KAT6A: variants seen among roughly 807,000 people sequenced by gnomAD.
KAT6A encodes the protein lysine acetyltransferase 6A.
KAT6A carries 9 observed loss-of-function variants against 198.4 expected under a neutral mutation model. The ratio of observed to expected loss-of-function variants is 0.05; its 90% CI spans 0.03 to 0.08. The LOEUF is 0.08. KAT6A is among the 10% of genes least tolerant of loss of function. The pLI is 1.00. For synonymous variants in KAT6A, 890 were observed against 883.0 expected, an observed-to-expected ratio of 1.01 and a Z score of -0.14; for missense variants, 2,077 against 2,509.9, an observed-to-expected ratio of 0.83 and a Z score of 3.69.
In KAT6A at chr8:42,048,541, T is replaced by C. The variant is rs767834534; in HGVS notation, c.437A>G (p.Gln146Arg). The change falls in exon 2 of 17, where the codon CAG becomes CGG. Residue 146 changes from glutamine (Q) to arginine (R), a missense_variant. Transcript: ENST00000265713. The part of the protein sequence containing the change: ...GGSAASGFHQ[Q>R]LRLAIKRAIG... ...GGCACGTTTGATAGCCAATCGTAAC[T>C]GCTGGTGAAAGCCAGAGGCAGCACT... 1.9e-6 allele frequency: 3 copies of C among 1,614,212 alleles called. No individual in the cohort carries two copies. The South Asian group carries it at 3.3e-5, about 18-fold the overall frequency.
At chr8:41,972,639 G>A (rs1823853801) in intron 8 of KAT6A, among the ~76,000 whole-genome samples, 1 of 152,196 alleles carries the variant, frequency 6.6e-6, no homozygotes, top group South Asian at 2.1e-4. Context: ...GGTCATGAAA[G>A]ATAAAGACTG....
intron 2 of KAT6A, among the ~76,000 whole-genome samples, chr8:41,997,456 G>C (rs918846893): frequency 5.9e-5 from 9 of 152,102 alleles, no homozygotes; most frequent in Non-Finnish European, 1.0e-4. Flanking sequence ...TTTGGCTACT[G>C]AATTTAAATG....
chr8:41,989,528 AACGTGACGTGACGTGACGTG>A (rs59726289), intron 2 of KAT6A, among the ~76,000 whole-genome samples: 1 of 149,496 alleles, frequency 6.7e-6, no homozygotes, highest in African/African-American at 2.5e-5. Context: ...AACATAACGT[AACGTGACGTGACGTGACGTG>A]ACGTGACGTG....
intron 2 of KAT6A, among the ~76,000 whole-genome samples, chr8:42,009,504 T>C (rs1213091454): frequency 2.6e-5 from 4 of 151,688 alleles, no homozygotes; most frequent in African/African-American, 9.7e-5. Flanking sequence ...AAAGGTGACA[T>C]GTGACCCTGA....
chr8:41,934,328 G>A lies in KAT6A; in HGVS notation c.3892C>T (p.Pro1298Ser). ...GCAGCTGCATCTTCCTCCTCCTCTG[G>A]CTCTGGCTCCTCTAATTCCTGCTGC... ...EEQQELEEPE[P>S]EEEEDAAAET... The change falls in exon 17 of 17, where the codon CCA (proline) becomes TCA (serine). Residue 1298 changes from proline (P) to serine (S), a missense_variant. Physicochemically the swap from Pro to Ser is moderately conservative, Grantham distance 74. This residue lies in a region of KAT6A where 375 missense variants were observed against 383.0 expected (regional missense o/e 0.98). Transcript: ENST00000265713. 6.2e-7 allele frequency: 1 copy of A among 1,613,712 alleles called. No individual in the cohort carries two copies. The highest frequency in any genetic ancestry group is 1.1e-5 in the South Asian group (1 of 91,038).
intron 8 of KAT6A, among the ~76,000 whole-genome samples, chr8:41,966,996 T>C (rs957239977): frequency 1.3e-5 from 2 of 152,166 alleles, no homozygotes; most frequent in Admixed American, 6.6e-5. Flanking sequence ...GTTAATAAAG[T>C]TGTTGAAACT....
intron 15 of KAT6A, among the ~76,000 whole-genome samples, chr8:41,938,897 GAGAT>G (rs1821970660): frequency 6.9e-6 from 1 of 145,820 alleles, no homozygotes; most frequent in Admixed American, 6.9e-5. Flanking sequence ...GCAGTGAGCT[GAGAT>G]CATGCCGCTG....
At chr8:41,939,892 A>G (rs953192057) in intron 15 of KAT6A, among the ~76,000 whole-genome samples, 8 of 152,240 alleles carry the variant, frequency 5.3e-5, no homozygotes, top group Non-Finnish European at 1.2e-4. Flanking sequence ...AGTAACTGTG[A>G]TAGATGTACC....
chr8:41,958,428 C>T (rs1052777134), intron 8 of KAT6A: 2 of 152,152 alleles, frequency 1.3e-5, no homozygotes, highest in African/African-American at 2.4e-5. Context: ...GCGAGTGAAG[C>T]ATAAAGACAG....
intron 2 of KAT6A, among the ~76,000 whole-genome samples, chr8:42,009,733 T>C (rs941040936): frequency 1.3e-5 from 2 of 151,158 alleles, no homozygotes; most frequent in African/African-American, 4.9e-5. Context: ...ACCTTGTCTC[T>C]ACAAAAAATT....
At chr8:41,944,098 C>CAA (rs376434990) in intron 12 of KAT6A, 119 bp from the exon 13 acceptor site, 66 of 448,342 alleles carry the variant, frequency 1.5e-4, no homozygotes, top group South Asian at 2.8e-4. Context: ...AAATTCCTTC[C>CAA]AAAAAAAAAA....
intron 8 of KAT6A, chr8:41,957,504 A>G (rs1354756091): frequency 1.3e-5 from 4 of 315,056 alleles, no homozygotes. Context: ...TTTTCGCTAA[A>G]CATGTGACTT....
chr8:41,996,353 C>T (rs980469405), intron 2 of KAT6A, among the ~76,000 whole-genome samples: 1 of 152,226 alleles, frequency 6.6e-6, no homozygotes, highest in African/African-American at 2.4e-5. Context: ...TACTGAGACA[C>T]ACTGGCATAT....
intron 7 of KAT6A, 146 bp from the exon 8 acceptor site, chr8:41,974,968 C>A: frequency 2.2e-6 from 1 of 455,502 alleles, no homozygotes; most frequent in South Asian, 5.4e-5. Flanking sequence ...GAATGCTACT[C>A]AATAAATAAT....
rs764012715 is a variant in KAT6A at position 41,980,913 on chromosome 8, A to G, written c.840T>C (p.Phe280=). ...GAAAACCTCGGTCACATGAATCACA[A>G]AAGAGCATGTTATCCTATTAGAAAA... ...DQGKNADNML[F]CDSCDRGFHM... Residue 280 remains phenylalanine, a synonymous_variant, in exon 5 of 17, where the codon TTT becomes TTC. Transcript: ENST00000265713. The G allele has an allele frequency of 4.7e-5, 75 of 1,611,852 alleles. No homozygotes were observed. The South Asian group carries it at 7.2e-4, about 16-fold the overall frequency.
In KAT6A at chr8:41,932,680, C is replaced by T. The variant is rs1323608219; in HGVS notation, c.5540G>A (p.Gly1847Glu). 1.2e-6 allele frequency: 2 copies of T among 1,614,210 alleles called. No individual in the cohort carries two copies. Among genetic ancestry groups the T allele is most frequent in the East Asian group, 2.2e-5 (1 of 44,878 alleles). ...AATGTGCCCCTTCACTGGCATTTGC[C>T]CTTGCAATCTCTGCGTGTGAGGAAT... is the stretch of plus-strand genomic sequence containing the variant. ...IGIPHTQRLQ[G>E]QMPVKGHISI... The change falls in exon 17 of 17, where the codon GGG (glycine) becomes GAG (glutamate). Residue 1847 changes from glycine to glutamate, a missense_variant. Gly to Glu is a moderately conservative substitution (Grantham distance 98, BLOSUM62 -2). Coordinates refer to ENST00000265713, the MANE Select transcript of KAT6A (RefSeq NM_006766.5).
chr8:41,934,445 T>C lies in KAT6A; in HGVS notation c.3775A>G (p.Asn1259Asp), dbSNP rs1240578716. The C allele has an allele frequency of 1.2e-6, 2 of 1,607,270 alleles. No homozygotes were observed. The highest frequency in any genetic ancestry group is 3.4e-5 in the Admixed American group (2 of 58,050). The change falls in exon 17 of 17, where the codon AAT becomes GAT. Residue 1259 changes from asparagine to aspartate, a missense_variant. Transcript: ENST00000265713. ...VPAASPADSS[N>D]SPETETKEPE... ...TCCTTGGTTTCGGTCTCAGGACTAT[T>C]GCTGCTGTCTGCTGGAGAGGCTGCT...
rs554527937 is a variant in KAT6A at position 41,969,560 on chromosome 8, T to C, written c.1482+5144A>G. Reference sequence around the variant, plus strand: ...TAGTCCTAGCTAACATCTTCTCTCATCCTGATCACCGGAAAAGCCTGCAAA... The same window carrying C: ...TAGTCCTAGCTAACATCTTCTCTCACCCTGATCACCGGAAAAGCCTGCAAA... On this transcript the variant is annotated intron_variant, in intron 8 of 16. Transcript: ENST00000265713. 2.6e-5 allele frequency among the ~76,000 whole-genome samples: 4 copies of C among 152,272 alleles called. No individual in the cohort carries two copies. The South Asian group carries it at 8.3e-4, about 32-fold the overall frequency.
chr8:41,974,319 T>A (rs1823943588), intron 8 of KAT6A: 1 of 153,160 alleles, frequency 6.5e-6, no homozygotes, highest in South Asian at 2.1e-4. Context: ...ACTCAAGCAA[T>A]CCACCCACCT....
Sources: gnomAD v4.1 joint callset for allele counts (sites outside exome capture counted in the v4.1 genomes callset) on GRCh38, gnomAD v4.1.1 for gene constraint, gnomAD v4.1.1 regional missense constraint, MANE v1.5 for transcripts, NCBI Gene and HGNC (gene_info 2026-07-23, HGNC 2026-07-21) for gene names.